The following NOX4 variants were observed in gnomAD, a reference collection of about 807,000 sequenced individuals.
NOX4 encodes NADPH oxidase 4, also known as kidney oxidase-1.
In NOX4, 69 loss-of-function variants were observed where a neutral mutation model predicts 87.6. The observed-to-expected ratio is 0.79, with a 90% CI of 0.65 to 0.96. The LOEUF (loss-of-function observed/expected upper bound fraction) is 0.96, where lower values mean the gene tolerates loss of function less well. Ranked by LOEUF, NOX4 falls within the 40% of genes least tolerant of loss-of-function variation. The probability of loss-of-function intolerance (pLI) is 0.00; values close to 1 mark genes in which losing one functional copy is unlikely to be tolerated. For synonymous variants in NOX4, 275 were observed against 238.2 expected, an observed-to-expected ratio of 1.15 and a Z score of -1.42; for missense variants, 680 against 681.5, an observed-to-expected ratio of 1.00 and a Z score of 0.02.
intron 7 of NOX4, among the ~76,000 whole-genome samples, chr11:89,425,854 T>C (rs1943368030): frequency 6.6e-6 from 1 of 152,150 alleles, no homozygotes; most frequent in South Asian, 2.1e-4. Flanking sequence ...TTTCAAAGCA[T>C]ATATACATAT....
upstream of NOX4, among the ~76,000 whole-genome samples, chr11:89,492,977 C>T (rs79708686): frequency 0.027 from 4,042 of 152,316 alleles, 180 homozygotes; most frequent in African/African-American, 0.093. Flanking sequence ...ATGGCTCCAA[C>T]TCTTAATAAT....
chr11:89,354,370 G>A (rs1385844689), intron 13 of NOX4, among the ~76,000 whole-genome samples: 2 of 152,034 alleles, frequency 1.3e-5, no homozygotes, highest in African/African-American at 2.4e-5. Context: ...CTTAACCTTC[G>A]GGAAGATGAA....
At chr11:89,333,967 TAC>T (rs982397345) in intron 17 of NOX4, among the ~76,000 whole-genome samples, 1 of 151,412 alleles carries the variant, frequency 6.6e-6, no homozygotes, top group South Asian at 2.1e-4. Context: ...ACCAAATATA[TAC>T]ACACACACAC....
At chr11:89,386,015 C>T (rs573279438) in intron 11 of NOX4, among the ~76,000 whole-genome samples, 1 of 152,250 alleles carries the variant, frequency 6.6e-6, no homozygotes, top group Admixed American at 6.5e-5. Context: ...CCTTACTGTC[C>T]TCAATCTTCA....
intron 1 of NOX4, among the ~76,000 whole-genome samples, chr11:89,497,413 C>CT (rs11446139): frequency 0.85 from 129,447 of 152,078 alleles, 55,545 homozygotes; most frequent in Non-Finnish European, 0.92. Flanking sequence ...TATAGTCTCA[C>CT]TCACTTTCTG....
chr11:89,385,846 T>C (rs1940662644), intron 11 of NOX4, among the ~76,000 whole-genome samples: 1 of 152,100 alleles, frequency 6.6e-6, no homozygotes, highest in Non-Finnish European at 1.5e-5. Context: ...TCCCACAGGG[T>C]CTGAGAAGGT....
the NOX4 span, among the ~76,000 whole-genome samples, chr11:89,505,757 A>G: frequency 6.6e-6 from 1 of 151,964 alleles, no homozygotes; most frequent in African/African-American, 2.4e-5. Context: ...TAAGTACATT[A>G]TTTGTAATTA....
chr11:89,491,832 A>C (rs1382400948), upstream of NOX4, among the ~76,000 whole-genome samples: 1 of 151,826 alleles, frequency 6.6e-6, no homozygotes, highest in African/African-American at 2.4e-5. Context: ...GAGCCTTGGT[A>C]ACGAAATTTG....
At chr11:89,403,592 A>T (rs879560033) in intron 8 of NOX4, among the ~76,000 whole-genome samples, 4 of 152,060 alleles carry the variant, frequency 2.6e-5, no homozygotes, top group Non-Finnish European at 4.4e-5. Flanking sequence ...AACATACAAA[A>T]TTAGCCAGGT....
At chr11:89,576,333 T>C in the NOX4 span, among the ~76,000 whole-genome samples, 1 of 152,228 alleles carries the variant, frequency 6.6e-6, no homozygotes, top group Non-Finnish European at 1.5e-5. Flanking sequence ...GGTACAAATA[T>C]AGCCCTCTCT....
chr11:89,396,085 T>G (rs2135158822), intron 11 of NOX4, among the ~76,000 whole-genome samples: 1 of 152,290 alleles, frequency 6.6e-6, no homozygotes, highest in South Asian at 2.1e-4. Context: ...ATCTATAAAT[T>G]ACCATGGGAA....
At chr11:89,561,015 T>TTATATATATATATATATAC in the NOX4 span, among the ~76,000 whole-genome samples, 2 of 80,530 alleles carry the variant, frequency 2.5e-5, no homozygotes, top group African/African-American at 1.2e-4. Flanking sequence ...TATATATATA[T>TTATATATATATATATATAC]ATATACATAC....
intron 7 of NOX4, among the ~76,000 whole-genome samples, chr11:89,428,544 A>G (rs1287821651): frequency 6.6e-6 from 1 of 152,010 alleles, no homozygotes; most frequent in Admixed American, 6.6e-5. Context: ...TGGAAAACAA[A>G]AAAAGGCAGG....
chr11:89,498,242 T>C (rs1362132055), upstream of NOX4: 1 of 152,218 alleles, frequency 6.6e-6, no homozygotes, highest in Non-Finnish European at 1.5e-5. Flanking sequence ...AACAAACTTA[T>C]AGGCACAGCA....
chr11:89,421,391 T>G lies in NOX4; in HGVS notation c.629+511A>C, dbSNP rs112162744. On this transcript the variant is annotated intron_variant, in intron 8 of 17. Coordinates refer to ENST00000263317, the MANE Select transcript of NOX4 (RefSeq NM_016931.5). ...CTCTTTGTAATAAGCTTAGGATACA[T>G]TATTTTTTCACTTTATGTTTTTTTT... is the stretch of plus-strand genomic sequence containing the variant. 2.7e-4 allele frequency among the ~76,000 whole-genome samples: 41 copies of G among 152,272 alleles called. 1 individual carries two copies. Among genetic ancestry groups the G allele is most frequent in the African/African-American group, 8.2e-4 (34 of 41,572 alleles).
intron 2 of NOX4, among the ~76,000 whole-genome samples, chr11:89,475,914 T>C (rs1327893239): frequency 6.6e-6 from 1 of 152,146 alleles, no homozygotes; most frequent in Non-Finnish European, 1.5e-5. Flanking sequence ...ATATTTCTTA[T>C]GGTTTGCTTT....
the NOX4 span, among the ~76,000 whole-genome samples, chr11:89,570,078 C>T: frequency 1.3e-5 from 2 of 151,530 alleles, no homozygotes; most frequent in African/African-American, 4.8e-5. Flanking sequence ...TATTAAAGCA[C>T]AATAGCAAAG....
intron 12 of NOX4, among the ~76,000 whole-genome samples, chr11:89,372,007 C>A (rs1456699246): frequency 1.3e-5 from 2 of 151,686 alleles, no homozygotes; most frequent in African/African-American, 4.8e-5. Flanking sequence ...TTTTTTAACT[C>A]TATGAAATAA....
At chr11:89,441,074 A>C (rs1944433792) in intron 5 of NOX4, among the ~76,000 whole-genome samples, 1 of 152,158 alleles carries the variant, frequency 6.6e-6, no homozygotes, top group South Asian at 2.1e-4. Flanking sequence ...ATTATTATAT[A>C]CTCTGTCTAC....
Sources: gnomAD v4.1 joint callset for allele counts (sites outside exome capture counted in the v4.1 genomes callset) on GRCh38, gnomAD v4.1.1 for gene constraint, MANE v1.5 for transcripts, NCBI Gene and HGNC (gene_info 2026-07-23, HGNC 2026-07-21) for gene names.